Variants in LRRC56 observed in about 807,000 individuals in gnomAD.
LRRC56 encodes the protein leucine-rich repeat-containing protein 56.
Under a neutral mutation model 47.8 loss-of-function variants are expected in LRRC56, and 41 were observed. The observed-to-expected ratio is 0.86, with a 90% CI of 0.67 to 1.11. The LOEUF is 1.11. Ranked by LOEUF, LRRC56 falls within the 50% of genes most tolerant of loss-of-function variation. LRRC56 has a pLI of 0.00. For synonymous variants in LRRC56, 387 were observed against 311.2 expected (o/e 1.24, Z -2.56); for missense variants, 759 against 704.2 (o/e 1.08, Z -0.88).
chr11:521,118 C>T, the LRRC56 span, among the ~76,000 whole-genome samples: 2 of 152,218 alleles, frequency 1.3e-5, no homozygotes, highest in Admixed American at 6.6e-5. Context: ...CGCCCCCCAG[C>T]GGTGGCTCTC....
chr11:532,256 T>A, the LRRC56 span: 29 of 409,810 alleles, frequency 7.1e-5, no homozygotes, highest in Non-Finnish European at 1.2e-4. Flanking sequence ...GACCATCCAA[T>A]AATTTACTGT....
Position 550,239 on chromosome 11 carries a change from G to A in LRRC56, c.591G>A (p.Val197=), listed in dbSNP as rs752922900. The A allele has an allele frequency of 5.8e-5, 93 of 1,610,084 alleles. No homozygotes were observed. Among genetic ancestry groups the A allele is most frequent in the Non-Finnish European group, 7.1e-5 (84 of 1,178,882 alleles). Residue 197 remains valine, a synonymous_variant, in exon 8 of 14, where the codon GTG becomes GTA. Coordinates refer to ENST00000270115, the MANE Select transcript of LRRC56 (RefSeq NM_198075.4). ...LAMLTLEGNL[V]CLQPAPGPTN... ...TGCTCACCCTGGAGGGCAACCTGGTGTGCCTACAGCCGGCCCCTGGCCCCA... is the reference window on the plus strand; with the variant it reads ...TGCTCACCCTGGAGGGCAACCTGGTATGCCTACAGCCGGCCCCTGGCCCCA...
At chr11:527,772 C>T in the LRRC56 span, among the ~76,000 whole-genome samples, 8 of 150,202 alleles carry the variant, frequency 5.3e-5, no homozygotes, top group African/African-American at 2.0e-4. Context: ...GCGATCTCGG[C>T]TCACCGCAAC....
At chr11:507,088 C>G in the LRRC56 span, 1 of 152,240 alleles carries the variant, frequency 6.6e-6, no homozygotes, top group East Asian at 1.9e-4. Context: ...TGGCTAGACG[C>G]TGACGCACCG....
chr11:517,910 G>C, the LRRC56 span, among the ~76,000 whole-genome samples: 1 of 152,198 alleles, frequency 6.6e-6, no homozygotes, highest in Non-Finnish European at 1.5e-5. Context: ...GTCAACTCAG[G>C]GTTAAATGGA....
At chr11:521,069 T>G in the LRRC56 span, among the ~76,000 whole-genome samples, 1 of 152,238 alleles carries the variant, frequency 6.6e-6, no homozygotes, top group Non-Finnish European at 1.5e-5. Flanking sequence ...CGGACCTCTG[T>G]GTGCCCAGAC....
chr11:544,171 C>CTG (rs1851954311), intron 5 of LRRC56, among the ~76,000 whole-genome samples: 1 of 152,220 alleles, frequency 6.6e-6, no homozygotes, highest in Non-Finnish European at 1.5e-5. Context: ...GAAACACAGG[C>CTG]TGGGGCGTGC....
chr11:551,612 G>T (rs768539527), intron 9 of LRRC56, 39 bp from the exon 10 acceptor site: 2 of 1,523,558 alleles, frequency 1.3e-6, no homozygotes, highest in Non-Finnish European at 1.8e-6. Flanking sequence ...GCGCTCTCAG[G>T]CTGGGCCTTG....
At chr11:524,012 C>G in the LRRC56 span, among the ~76,000 whole-genome samples, 1 of 151,962 alleles carries the variant, frequency 6.6e-6, no homozygotes, top group African/African-American at 2.4e-5. Flanking sequence ...GAGAGACATA[C>G]CACATTCTTA....
chr11:535,694 C>T (rs976570710), upstream of LRRC56: 6 of 152,100 alleles, frequency 3.9e-5, no homozygotes, highest in Admixed American at 2.0e-4. Context: ...GAGCCGCGGT[C>T]GGGCGGGGCT....
chr11:540,821 G>C lies in LRRC56; in HGVS notation c.137G>C (p.Gly46Ala), dbSNP rs1255324797. The change falls in exon 4 of 14, where the codon GGA becomes GCA. Residue 46 changes from glycine to alanine, a missense_variant. By Grantham distance (60) the Gly-to-Ala change is moderately conservative. Transcript: ENST00000270115. ...CCTGGCAGTCAGAGGGACAGACTTG[G>C]AGAGCAGCTGGTGGAAGAGTACCTG... ...KGPGSQRDRLGEQLVEEYLSP... is the reference protein window; with the variant it reads ...KGPGSQRDRLAEQLVEEYLSP... 1.3e-6 allele frequency: 2 copies of C among 1,592,152 alleles called. No individual in the cohort carries two copies. Among genetic ancestry groups the C allele is most frequent in the Admixed American group, 1.8e-5 (1 of 56,202 alleles).
At chr11:526,438 C>G in the LRRC56 span, among the ~76,000 whole-genome samples, 34,276 of 151,914 alleles carry the variant, frequency 0.23, 4,417 homozygotes, top group African/African-American at 0.35. Context: ...GCACGCTGGA[C>G]AGTCAGGTGC....
chr11:511,275 C>A, the LRRC56 span, among the ~76,000 whole-genome samples: 10 of 149,386 alleles, frequency 6.7e-5, no homozygotes, highest in East Asian at 2.0e-3. Flanking sequence ...GAGCCAAGAT[C>A]GCGCCACTGC....
chr11:527,441 T>C, the LRRC56 span, among the ~76,000 whole-genome samples: 1 of 152,202 alleles, frequency 6.6e-6, no homozygotes, highest in African/African-American at 2.4e-5. Context: ...CCCCAGCCCC[T>C]GCCCACGGCC....
upstream of LRRC56, among the ~76,000 whole-genome samples, chr11:536,047 C>T (rs1471570826): frequency 1.3e-5 from 2 of 152,220 alleles, no homozygotes; most frequent in Admixed American, 6.5e-5. Context: ...CCGCGGGGTC[C>T]GGTTGCCCGG....
intron 6 of LRRC56, among the ~76,000 whole-genome samples, chr11:547,316 C>CT (rs113334622): frequency 0.32 from 46,961 of 148,312 alleles, 7,906 homozygotes; most frequent in African/African-American, 0.46. Flanking sequence ...GATGGCTGTA[C>CT]TTTTTTTTTT....
At chr11:537,447 A>G (rs1193340631), upstream of LRRC56, 1 of 152,164 alleles carries the variant, frequency 6.6e-6, no homozygotes, top group Non-Finnish European at 1.5e-5. Context: ...ACTTATAAAT[A>G]TTTGCGTATT....
chr11:533,692 G>A (rs1324000156), upstream of LRRC56: 16 of 1,610,644 alleles, frequency 9.9e-6, no homozygotes, highest in Non-Finnish European at 8.5e-7. Context: ...AGGACAGGAG[G>A]CCCCTGCCTG....
chr11:531,429 G>A, the LRRC56 span, among the ~76,000 whole-genome samples: 3 of 152,202 alleles, frequency 2.0e-5, no homozygotes, highest in Non-Finnish European at 4.4e-5. Context: ...ACAGGGGACT[G>A]AGCTGTCTGT....
Sources: gnomAD v4.1 joint callset for allele counts (sites outside exome capture counted in the v4.1 genomes callset) on GRCh38, gnomAD v4.1.1 for gene constraint, MANE v1.5 for transcripts, NCBI Gene and HGNC (gene_info 2026-07-23, HGNC 2026-07-21) for gene names.